Variants in SH3RF3 observed in about 807,000 individuals in gnomAD.
SH3RF3 encodes SH3 domain containing ring finger 3.
In SH3RF3, 29 loss-of-function variants were observed where a neutral mutation model predicts 66.3. That is an observed-to-expected ratio of 0.44 (90% confidence interval 0.33 to 0.60). The LOEUF (loss-of-function observed/expected upper bound fraction) is 0.60, where lower values mean the gene tolerates loss of function less well. SH3RF3 is among the 20% of genes least tolerant of loss of function. The probability of loss-of-function intolerance (pLI) is 0.04; values close to 1 mark genes in which losing one functional copy is unlikely to be tolerated. For missense variants in SH3RF3, 1,194 were observed against 1,190.9 expected, an observed-to-expected ratio of 1.00 and a Z score of -0.04; for synonymous variants, 583 against 532.0, an observed-to-expected ratio of 1.10 and a Z score of -1.32.
chr2:109,330,821 G>A (rs997054646), intron 1 of SH3RF3, among the ~76,000 whole-genome samples: 3 of 152,170 alleles, frequency 2.0e-5, no homozygotes, highest in African/African-American at 7.2e-5. Context: ...AGAGGTGTGT[G>A]TCTTCTCCCC....
At chr2:109,329,224 G>A (rs796415005) in intron 1 of SH3RF3, among the ~76,000 whole-genome samples, 63 of 152,138 alleles carry the variant, frequency 4.1e-4, no homozygotes, top group African/African-American at 1.5e-3. Context: ...CAATTACCAG[G>A]TCCAGTCTCT....
chr2:109,303,062 G>A (rs10208403), intron 1 of SH3RF3, among the ~76,000 whole-genome samples: 43,726 of 151,988 alleles, frequency 0.29, 8,561 homozygotes, highest in African/African-American at 0.55. Flanking sequence ...TTTTGGTAGA[G>A]GCGGGGTTTC....
intron 1 of SH3RF3, among the ~76,000 whole-genome samples, chr2:109,130,412 C>T (rs372664133): frequency 2.0e-5 from 3 of 152,254 alleles, no homozygotes; most frequent in East Asian, 3.9e-4. Context: ...TTAGCATCGC[C>T]CTTGCGTCTC....
At chr2:109,384,652 T>C (rs1675777809) in intron 3 of SH3RF3, among the ~76,000 whole-genome samples, 1 of 152,162 alleles carries the variant, frequency 6.6e-6, no homozygotes, top group Admixed American at 6.6e-5. Flanking sequence ...CCTGTGTCCA[T>C]AGACTCCTCC....
chr2:109,155,091 A>G (rs548395174), intron 1 of SH3RF3, among the ~76,000 whole-genome samples: 48 of 152,314 alleles, frequency 3.2e-4, no homozygotes, highest in African/African-American at 8.9e-4. Flanking sequence ...GGGCCAGGGC[A>G]AGGGTTCCAT....
At chr2:109,356,607 AG>A (rs1682947982) in intron 2 of SH3RF3, among the ~76,000 whole-genome samples, 1 of 152,150 alleles carries the variant, frequency 6.6e-6, no homozygotes, top group African/African-American at 2.4e-5. Flanking sequence ...GGCCCATCCC[AG>A]GGCTTGGCAC....
intron 1 of SH3RF3, among the ~76,000 whole-genome samples, chr2:109,130,389 C>T (rs906278595): frequency 2.0e-5 from 3 of 152,344 alleles, no homozygotes; most frequent in African/African-American, 4.8e-5. Context: ...ACTTGTTACC[C>T]TGCCTCTTAA....
intron 1 of SH3RF3, among the ~76,000 whole-genome samples, chr2:109,270,135 C>T (rs1228794567): frequency 6.6e-6 from 1 of 152,248 alleles, no homozygotes; most frequent in Non-Finnish European, 1.5e-5. Context: ...TCCCAGCAGT[C>T]TCAGCCCCCA....
intron 1 of SH3RF3, among the ~76,000 whole-genome samples, chr2:109,176,479 C>G (rs1476905563): frequency 6.6e-6 from 1 of 152,128 alleles, no homozygotes; most frequent in Non-Finnish European, 1.5e-5. Context: ...TGCCTCTAAT[C>G]CTAACACTTT....
chr2:109,279,068 G>T (rs1680824129), intron 1 of SH3RF3, among the ~76,000 whole-genome samples: 1 of 152,196 alleles, frequency 6.6e-6, no homozygotes, highest in African/African-American at 2.4e-5. Context: ...AAAGTAAGAG[G>T]ATCTTGGGAA....
intron 2 of SH3RF3, 24 bp downstream of exon 2, chr2:109,347,973 C>T: frequency 1.3e-6 from 2 of 1,576,928 alleles, no homozygotes; most frequent in East Asian, 2.3e-5. Context: ...CGGGGTGGGC[C>T]CCGCCAGCCC....
rs1681748580 is a variant in SH3RF3 at position 109,312,311 on chromosome 2, G to A, written c.574-35363G>A. On this transcript the variant is annotated intron_variant, in intron 1 of 9. Coordinates refer to ENST00000309415, the MANE Select transcript of SH3RF3 (RefSeq NM_001099289.3). ...TGAATGAGCTTCCCACTCGAGGTTG[G>A]CTTGCTCCTCTTTCTAATAATTCTA... Among the ~76,000 whole-genome samples the A allele has an allele frequency of 2.6e-5, 4 of 152,136 alleles. No homozygotes were observed. In the South Asian group the frequency reaches 6.2e-4, roughly 24 times the overall value.
At chr2:109,340,631 A>C (rs771731488) in intron 1 of SH3RF3, among the ~76,000 whole-genome samples, 1 of 152,184 alleles carries the variant, frequency 6.6e-6, no homozygotes, top group Non-Finnish European at 1.5e-5. Context: ...AGGGTCCTGG[A>C]ACATCTGTTT....
chr2:109,402,033 C>T (rs1028612824), intron 4 of SH3RF3, among the ~76,000 whole-genome samples: 1 of 152,246 alleles, frequency 6.6e-6, no homozygotes, highest in Non-Finnish European at 1.5e-5. Context: ...CAGTTGCCGC[C>T]TGTCTCCCTG....
chr2:109,175,705 T>C (rs1248849989), intron 1 of SH3RF3, among the ~76,000 whole-genome samples: 1 of 152,228 alleles, frequency 6.6e-6, no homozygotes, highest in African/African-American at 2.4e-5. Context: ...AAGGGACTTT[T>C]CTAGGTAGAG....
At chr2:109,150,943 T>C (rs1677212825) in intron 1 of SH3RF3, among the ~76,000 whole-genome samples, 1 of 152,224 alleles carries the variant, frequency 6.6e-6, no homozygotes. Flanking sequence ...AAGCTAGTTA[T>C]TTCAAGGTGC....
intron 1 of SH3RF3, among the ~76,000 whole-genome samples, chr2:109,277,897 G>A (rs1034602735): frequency 5.3e-5 from 8 of 152,112 alleles, no homozygotes; most frequent in African/African-American, 1.4e-4. Flanking sequence ...ATTTCAGGCC[G>A]GGTGTGGTGG....
intron 1 of SH3RF3, among the ~76,000 whole-genome samples, chr2:109,239,733 T>C (rs955900581): frequency 3.3e-5 from 5 of 152,164 alleles, no homozygotes; most frequent in Non-Finnish European, 4.4e-5. Context: ...CCAGCTTAAA[T>C]GGAGCCACCT....
intron 1 of SH3RF3, among the ~76,000 whole-genome samples, chr2:109,183,526 G>T (rs937189798): frequency 6.6e-6 from 1 of 152,162 alleles, no homozygotes. Flanking sequence ...TGTGCCTTTT[G>T]TGTATAAACC....
Sources: allele counts gnomAD v4.1 joint callset (sites outside exome capture counted in the v4.1 genomes callset), GRCh38; gene constraint gnomAD v4.1.1; transcripts MANE v1.5; gene names NCBI Gene and HGNC (gene_info 2026-07-23, HGNC 2026-07-21).